OR52E6: variants seen among roughly 807,000 people sequenced by gnomAD.
The protein encoded by OR52E6 is olfactory receptor 52E6.
For synonymous variants in OR52E6, 173 were observed against 137.3 expected (o/e 1.26, Z -1.82); for missense variants, 419 against 381.5 (o/e 1.10, Z -0.82).
Position 5,841,803 on chromosome 11 carries a change from G to C in OR52E6, c.95C>G (p.Pro32Arg). 1 of 1,613,732 alleles carries C rather than the reference G, an allele frequency of 6.2e-7. No homozygotes were observed. The highest frequency in any genetic ancestry group is 8.5e-7 in the Non-Finnish European group (1 of 1,179,778). Residue 32 changes from proline to arginine, a missense_variant, in exon 1 of 1, where the codon CCT becomes CGT. By Grantham distance (103) the Pro-to-Arg change is moderately radical. Coordinates refer to ENST00000329322, the MANE Select transcript of OR52E6 (RefSeq NM_001005167.2). ...TGCAATAAGATACACAGAGAAAAAAGGGAATCCAATCCAGATGTGCACATC... is the reference window on the plus strand; with the variant it reads ...TGCAATAAGATACACAGAGAAAAAACGGAATCCAATCCAGATGTGCACATC... ...LEDVHIWIGF[P>R]FFSVYLIALL... is the part of the protein sequence containing the mutation.
rs1416668145 is a variant in OR52E6, at chr11:5,841,271, T to C, written c.627A>G (p.Leu209=). 7 of 1,613,962 alleles carry C rather than the reference T, an allele frequency of 4.3e-6. No homozygotes were observed. Among genetic ancestry groups the C allele is most frequent in the South Asian group, 1.1e-5 (1 of 91,082 alleles). Residue 209 remains leucine (L), a synonymous_variant, in exon 1 of 1, where the codon TTA becomes TTG. Transcript: ENST00000329322. ...AGAGAATAATAAGGAGCACATCCAATAACAAGAGAGAAATACTGCCAAGAC... is the reference window on the plus strand; with the variant it reads ...AGAGAATAATAAGGAGCACATCCAACAACAAGAGAGAAATACTGCCAAGAC... ...MFGLGSISLL[L]LDVLLIILSH... is the part of the protein sequence containing the mutation.
In OR52E6 at chr11:5,841,481, G is replaced by A; in HGVS notation, c.417C>T (p.Thr139=). 6.2e-7 allele frequency: 1 copy of A among 1,614,130 alleles called. No individual in the cohort carries two copies. The highest frequency in any genetic ancestry group is 8.5e-7 in the Non-Finnish European group (1 of 1,179,992). Residue 139 remains threonine, a synonymous_variant, in exon 1 of 1, where the codon ACC becomes ACT. Coordinates refer to ENST00000329322, the MANE Select transcript of OR52E6 (RefSeq NM_001005167.2). ...CTGCAATGAGGCTGATGATTTTGCTGGTGAGGATCATGGTGTACCAAAGAG... is the reference window on the plus strand; with the variant it reads ...CTGCAATGAGGCTGATGATTTTGCTAGTGAGGATCATGGTGTACCAAAGAG... ...CKPLWYTMIL[T]SKIISLIAGI...
chr11:5,841,479 CT>C lies in OR52E6; in HGVS notation c.418del (p.Ser140AlafsTer13). 6.2e-7 allele frequency: 1 copy of C among 1,614,072 alleles called. No individual in the cohort carries two copies. The highest frequency in any genetic ancestry group is 1.1e-5 in the South Asian group (1 of 91,072). Reference protein sequence around the residue: ...KPLWYTMILTSKIISLIAGIA... With the variant: ...KPLWYTMILTXKIISLIAGIA... The stretch of plus-strand genomic sequence containing the variant: ...GCCTGCAATGAGGCTGATGATTTTG[CT>C]GGTGAGGATCATGGTGTACCAAAGA... On this transcript the variant is annotated frameshift_variant, in exon 1 of 1. Coordinates refer to ENST00000329322, the MANE Select transcript of OR52E6 (RefSeq NM_001005167.2). LOFTEE classifies it low-confidence loss of function (END_TRUNC).
rs1289264549 is a variant in OR52E6, at chr11:5,841,829, T to C, written c.69A>G (p.Glu23=). 4 of 1,613,864 alleles carry C rather than the reference T, an allele frequency of 2.5e-6. No homozygotes were observed. ...SFLLLGIPGL[E]DVHIWIGFPF... ...GGAATCCAATCCAGATGTGCACATCTTCTAGCCCTGGGATACCCAGCAGTA... is the reference window on the plus strand; with the variant it reads ...GGAATCCAATCCAGATGTGCACATCCTCTAGCCCTGGGATACCCAGCAGTA... The change falls in exon 1 of 1, where the codon GAA becomes GAG. Residue 23 remains glutamate, a synonymous_variant. Transcript: ENST00000329322.
In OR52E6 at chr11:5,841,373, G is replaced by A. The variant is rs756696227; in HGVS notation, c.525C>T (p.Ile175=). The change falls in exon 1 of 1, where the codon ATC becomes ATT. Residue 175 remains isoleucine (I), a synonymous_variant. Coordinates refer to ENST00000329322, the MANE Select transcript of OR52E6 (RefSeq NM_001005167.2). Reference sequence around the variant, plus strand: ...TGTGCTCACAGTAAGTATGAGGGATGATACGATGTCCACAGAAGGGCAACC... The same window carrying A: ...TGTGCTCACAGTAAGTATGAGGGATAATACGATGTCCACAGAAGGGCAACC... ...LLRLPFCGHR[I]IPHTYCEHMG... 1.9e-6 allele frequency: 3 copies of A among 1,614,182 alleles called. No homozygotes were observed. The highest frequency in any genetic ancestry group is 2.5e-6 in the Non-Finnish European group (3 of 1,180,034).
chr11:5,840,994 C>A lies in OR52E6; in HGVS notation c.904G>T (p.Glu302Ter). The change falls in exon 1 of 1, where the codon GAG (glutamate) becomes TAG (stop). Residue 302 changes from glutamate (E) to a stop codon, truncating the protein, a stop_gained. Transcript: ENST00000329322. LOFTEE classifies it low-confidence loss of function (END_TRUNC). ...IYGVRTKHIRETVLRIFFKTD... is the reference protein window; with the variant it reads ...IYGVRTKHIR ...TTGAAGAAAATCCTCAGCACTGTCT[C>A]CCTAATATGTTTGGTTCTGACCCCA... 1 of 1,595,832 alleles carries A rather than the reference C, an allele frequency of 6.3e-7. No individual in the cohort carries two copies. The highest frequency in any genetic ancestry group is 8.5e-7 in the Non-Finnish European group (1 of 1,171,854).
Position 5,841,235 on chromosome 11 carries a change from C to G in OR52E6, c.663G>C (p.Arg221Ser). 1 of 1,613,864 alleles carries G rather than the reference C, an allele frequency of 6.2e-7. No homozygotes were observed. Among genetic ancestry groups the G allele is most frequent in the South Asian group, 1.1e-5 (1 of 91,072 alleles). ...GCAGGCAGAAGACAGCATAGAGGAT[C>G]CTGATATGGGAGAGAATAATAAGGA... Reference protein sequence around the residue: ...DVLLIILSHIRILYAVFCLPS... With the variant: ...DVLLIILSHISILYAVFCLPS... Residue 221 changes from arginine to serine, a missense_variant, in exon 1 of 1, where the codon AGG becomes AGC. Arg to Ser is a moderately radical substitution (Grantham distance 110, BLOSUM62 -1). Coordinates refer to ENST00000329322, the MANE Select transcript of OR52E6 (RefSeq NM_001005167.2).
chr11:5,841,819 T>C lies in OR52E6; in HGVS notation c.79A>G (p.Ile27Val), dbSNP rs1846616146. The change falls in exon 1 of 1, where the codon ATC (isoleucine) becomes GTC (valine). Residue 27 changes from isoleucine to valine, a missense_variant. Transcript: ENST00000329322. The part of the protein sequence containing the change: ...LGIPGLEDVH[I>V]WIGFPFFSVY... Reference sequence around the variant, plus strand: ...GAGAAAAAAGGGAATCCAATCCAGATGTGCACATCTTCTAGCCCTGGGATA... The same window carrying C: ...GAGAAAAAAGGGAATCCAATCCAGACGTGCACATCTTCTAGCCCTGGGATA... 1.9e-6 allele frequency: 3 copies of C among 1,613,906 alleles called. No individual in the cohort carries two copies. Among genetic ancestry groups the C allele is most frequent in the Non-Finnish European group, 2.5e-6 (3 of 1,179,866 alleles).
chr11:5,841,893 G>A lies in OR52E6; in HGVS notation c.5C>T (p.Pro2Leu). Reference protein sequence around the residue: MPIANDTQFHTS... With the variant: MLIANDTQFHTS... Reference sequence around the variant, plus strand: ...ATGGAACTGGGTGTCGTTAGCTATAGGCATTCTTTCTGTCACAAAAAGCTG... The same window carrying A: ...ATGGAACTGGGTGTCGTTAGCTATAAGCATTCTTTCTGTCACAAAAAGCTG... Residue 2 changes from proline (P) to leucine (L), a missense_variant, in exon 1 of 1, where the codon CCT becomes CTT. Physicochemically the swap from Pro to Leu is moderately conservative, Grantham distance 98. Coordinates refer to ENST00000329322, the MANE Select transcript of OR52E6 (RefSeq NM_001005167.2). 6 of 1,609,926 alleles carry A rather than the reference G, an allele frequency of 3.7e-6. No individual in the cohort carries two copies. The highest frequency in any genetic ancestry group is 5.1e-6 in the Non-Finnish European group (6 of 1,176,404).
rs1389868271 is a variant in OR52E6, at chr11:5,841,758, A to G, written c.140T>C (p.Ile47Thr). The G allele has an allele frequency of 1.2e-6, 2 of 1,613,778 alleles. No homozygotes were observed. The highest frequency in any genetic ancestry group is 3.3e-5 in the Admixed American group (2 of 59,974). ...YLIALLGNAA[I>T]FFVIQTEQSL... is the part of the protein sequence containing the mutation. ...CTGCTCAGTTTGGATCACAAAGAAGATAGCAGCATTTCCCAGGAGTGCAAT... is the reference window on the plus strand; with the variant it reads ...CTGCTCAGTTTGGATCACAAAGAAGGTAGCAGCATTTCCCAGGAGTGCAAT... The change falls in exon 1 of 1, where the codon ATC (isoleucine) becomes ACC (threonine). Residue 47 changes from isoleucine to threonine, a missense_variant. Ile to Thr is a moderately conservative substitution (Grantham distance 89). Transcript: ENST00000329322.
rs61739213 is a variant in OR52E6 at position 5,841,008 on chromosome 11, G to C, written c.890C>G (p.Thr297Ser). The C allele has an allele frequency of 1.2e-6, 2 of 1,607,198 alleles. No homozygotes were observed. Among genetic ancestry groups the C allele is most frequent in the Non-Finnish European group, 1.7e-6 (2 of 1,177,060 alleles). The change falls in exon 1 of 1, where the codon ACC becomes AGC. Residue 297 changes from threonine (T) to serine (S), a missense_variant. Thr to Ser is a moderately conservative substitution (Grantham distance 58). Transcript: ENST00000329322. ...CAGCACTGTCTCCCTAATATGTTTGGTTCTGACCCCATAGATTACAGGATT... is the reference window on the plus strand; with the variant it reads ...CAGCACTGTCTCCCTAATATGTTTGCTTCTGACCCCATAGATTACAGGATT... ...TLNPVIYGVR[T>S]KHIRETVLRI... is the part of the protein sequence containing the mutation.
rs1194419107 is a variant in OR52E6 at position 5,841,079 on chromosome 11, G to T, written c.819C>A (p.Ile273=). The change falls in exon 1 of 1, where the codon ATC becomes ATA. Residue 273 remains isoleucine, a synonymous_variant. Transcript: ENST00000329322. ...HCFGHDIPQY[I]HIFLANLYVV... ...CATATAGATTAGCCAAGAAAATGTGGATATATTGGGGAATATCATGGCCAA... is the reference window on the plus strand; with the variant it reads ...CATATAGATTAGCCAAGAAAATGTGTATATATTGGGGAATATCATGGCCAA... 6.2e-7 allele frequency: 1 copy of T among 1,613,730 alleles called. No individual in the cohort carries two copies. Among genetic ancestry groups the T allele is most frequent in the Non-Finnish European group, 8.5e-7 (1 of 1,179,872 alleles).
Position 5,841,817 on chromosome 11 carries a change from G to A in OR52E6, c.81C>T (p.Ile27=), listed in dbSNP as rs1387869212. The change falls in exon 1 of 1, where the codon ATC becomes ATT. Residue 27 remains isoleucine (I), a synonymous_variant. Coordinates refer to ENST00000329322, the MANE Select transcript of OR52E6 (RefSeq NM_001005167.2). Reference sequence around the variant, plus strand: ...CAGAGAAAAAAGGGAATCCAATCCAGATGTGCACATCTTCTAGCCCTGGGA... The same window carrying A: ...CAGAGAAAAAAGGGAATCCAATCCAAATGTGCACATCTTCTAGCCCTGGGA... ...LGIPGLEDVH[I]WIGFPFFSVY... 2.5e-6 allele frequency: 4 copies of A among 1,613,816 alleles called. No homozygotes were observed. The highest frequency in any genetic ancestry group is 2.2e-5 in the East Asian group (1 of 44,874).
chr11:5,841,267 C>A lies in OR52E6; in HGVS notation c.631G>T (p.Asp211Tyr). ...GLGSISLLLL[D>Y]VLLIILSHIR... ...TGGGAGAGAATAATAAGGAGCACAT[C>A]CAATAACAAGAGAGAAATACTGCCA... is the stretch of plus-strand genomic sequence containing the variant. The change falls in exon 1 of 1, where the codon GAT (aspartate) becomes TAT (tyrosine). Residue 211 changes from aspartate to tyrosine, a missense_variant. Coordinates refer to ENST00000329322, the MANE Select transcript of OR52E6 (RefSeq NM_001005167.2). 3 of 1,613,950 alleles carry A rather than the reference C, an allele frequency of 1.9e-6. No homozygotes were observed. Among genetic ancestry groups the A allele is most frequent in the Non-Finnish European group, 2.5e-6 (3 of 1,179,994 alleles).
chr11:5,841,633 A>AC lies in OR52E6; in HGVS notation c.264dup (p.Phe89ValfsTer35). On this transcript the variant is annotated frameshift_variant, in exon 1 of 1. Coordinates refer to ENST00000329322, the MANE Select transcript of OR52E6 (RefSeq NM_001005167.2). LOFTEE classifies it low-confidence loss of function (END_TRUNC). ...CCAAAAGATATTTCCTTGATATTGA[A>AC]CCAGAAGATGCCCAGCATTTTGGGA... is the stretch of plus-strand genomic sequence containing the variant. The AC allele has an allele frequency of 6.2e-7, 1 of 1,614,132 alleles. No individual in the cohort carries two copies. The highest frequency in any genetic ancestry group is 8.5e-7 in the Non-Finnish European group (1 of 1,179,988).
chr11:5,841,326 C>T lies in OR52E6; in HGVS notation c.572G>A (p.Cys191Tyr), dbSNP rs768609785. The T allele has an allele frequency of 3.1e-6, 5 of 1,614,006 alleles. No homozygotes were observed. In the African/African-American group the frequency reaches 6.7e-5, roughly 22 times the overall value. The change falls in exon 1 of 1, where the codon TGT (cysteine) becomes TAT (tyrosine). Residue 191 changes from cysteine (C) to tyrosine (Y), a missense_variant. By Grantham distance (194) the Cys-to-Tyr change is radical (BLOSUM62 -2). Coordinates refer to ENST00000329322, the MANE Select transcript of OR52E6 (RefSeq NM_001005167.2). ...CEHMGIARLA[C>Y]ASIKVNIMFG... ...CATAATGTTGACTTTGATGCTGGCA[C>T]AGGCCAGACGGGCAATGCCCATGTG...
rs1846609167 is a variant in OR52E6, at chr11:5,841,362, G to A, written c.536C>T (p.Thr179Ile). 3.1e-6 allele frequency: 5 copies of A among 1,614,172 alleles called. No homozygotes were observed. The highest frequency in any genetic ancestry group is 2.5e-6 in the Non-Finnish European group (3 of 1,180,024). The change falls in exon 1 of 1, where the codon ACT becomes ATT. Residue 179 changes from threonine to isoleucine, a missense_variant. Thr to Ile is a moderately conservative substitution (Grantham distance 89). Coordinates refer to ENST00000329322, the MANE Select transcript of OR52E6 (RefSeq NM_001005167.2). Reference protein sequence around the residue: ...PFCGHRIIPHTYCEHMGIARL... With the variant: ...PFCGHRIIPHIYCEHMGIARL... Reference sequence around the variant, plus strand: ...GGCAATGCCCATGTGCTCACAGTAAGTATGAGGGATGATACGATGTCCACA... The same window carrying A: ...GGCAATGCCCATGTGCTCACAGTAAATATGAGGGATGATACGATGTCCACA...
chr11:5,841,323 G>A lies in OR52E6; in HGVS notation c.575C>T (p.Ala192Val), dbSNP rs779947373. ...EHMGIARLAC[A>V]SIKVNIMFGL... ...AAACATAATGTTGACTTTGATGCTGGCACAGGCCAGACGGGCAATGCCCAT... is the reference window on the plus strand; with the variant it reads ...AAACATAATGTTGACTTTGATGCTGACACAGGCCAGACGGGCAATGCCCAT... Residue 192 changes from alanine (A) to valine (V), a missense_variant, in exon 1 of 1, where the codon GCC (alanine) becomes GTC (valine). Transcript: ENST00000329322. The A allele has an allele frequency of 8.1e-6, 13 of 1,614,014 alleles. No individual in the cohort carries two copies. The African/African-American group carries it at 1.5e-4, about 18-fold the overall frequency.
chr11:5,841,131 G>A lies in OR52E6; in HGVS notation c.767C>T (p.Ala256Val). 6.2e-7 allele frequency: 1 copy of A among 1,613,650 alleles called. No individual in the cohort carries two copies. Among genetic ancestry groups the A allele is most frequent in the Non-Finnish European group, 8.5e-7 (1 of 1,179,850 alleles). ...GCAGTGTGTAAAGAAAGAGAAAAAT[G>A]CTGGTGTAGAAAAGGCTAAGATAAC... ...IGVILAFSTP[A>V]FFSFFTHCFG... Residue 256 changes from alanine to valine, a missense_variant, in exon 1 of 1, where the codon GCA (alanine) becomes GTA (valine). Coordinates refer to ENST00000329322, the MANE Select transcript of OR52E6 (RefSeq NM_001005167.2).
Sources: gnomAD v4.1 joint callset for allele counts on GRCh38, gnomAD v4.1.1 for gene constraint, MANE v1.5 for transcripts, NCBI Gene and HGNC (gene_info 2026-07-23, HGNC 2026-07-21) for gene names.